The following LRRC4C variants were observed in gnomAD, a reference collection of about 807,000 sequenced individuals.
The protein encoded by LRRC4C is leucine-rich repeat-containing protein 4C.
In LRRC4C, 5 loss-of-function variants were observed where a neutral mutation model predicts 33.6. The ratio of observed to expected loss-of-function variants is 0.15; its 90% CI spans 0.08 to 0.31. The LOEUF is 0.31. Among genes scored for constraint, LRRC4C ranks in the 10% least tolerant of loss-of-function variants. The pLI, the probability that LRRC4C is intolerant of heterozygous loss-of-function variation, is 1.00. For synonymous variants in LRRC4C, 329 were observed against 302.0 expected (o/e 1.09, Z -0.93); for missense variants, 560 against 796.7 (o/e 0.70, Z 3.58).
At chr11:41,451,375 TTG>T (rs143793387) in intron 1 of LRRC4C, among the ~76,000 whole-genome samples, 4 of 151,158 alleles carry the variant, frequency 2.6e-5, no homozygotes, top group South Asian at 2.1e-4. Context: ...GATATAGATT[TTG>T]TGTGTGTGTG....
At chr11:40,819,894 A>G (rs1464092735) in intron 2 of LRRC4C, among the ~76,000 whole-genome samples, 18 of 152,066 alleles carry the variant, frequency 1.2e-4, no homozygotes, top group Admixed American at 1.1e-3. Context: ...TAAAATCAAG[A>G]ATTAATTTTA....
chr11:40,988,804 C>T (rs1853284700), intron 1 of LRRC4C, among the ~76,000 whole-genome samples: 1 of 148,638 alleles, frequency 6.7e-6, no homozygotes. Context: ...GCAAGCTCCA[C>T]CTCCCGGGTT....
chr11:41,093,439 C>T (rs1463057245), intron 1 of LRRC4C, among the ~76,000 whole-genome samples: 1 of 152,180 alleles, frequency 6.6e-6, no homozygotes, highest in Non-Finnish European at 1.5e-5. Flanking sequence ...CAGAAATTGT[C>T]CTGAACTCTT....
At chr11:41,216,416 T>C (rs369962595) in intron 1 of LRRC4C, among the ~76,000 whole-genome samples, 5 of 151,442 alleles carry the variant, frequency 3.3e-5, no homozygotes, top group East Asian at 3.9e-4. Context: ...AAAAATAGAC[T>C]TCAGGATAAA....
intron 4 of LRRC4C, chr11:40,293,873 G>A (rs937889866): frequency 1.3e-5 from 2 of 152,438 alleles, no homozygotes; most frequent in African/African-American, 2.4e-5. Context: ...CCTGGCTCAC[G>A]GCTCCCTGCG....
At chr11:40,279,473 C>T (rs1186126484) in intron 4 of LRRC4C, among the ~76,000 whole-genome samples, 2 of 152,120 alleles carry the variant, frequency 1.3e-5, no homozygotes, top group African/African-American at 4.8e-5. Flanking sequence ...ACTTTTAACA[C>T]CTTTCTTCTG....
intron 4 of LRRC4C, among the ~76,000 whole-genome samples, chr11:40,263,492 G>A (rs1158444364): frequency 6.6e-6 from 1 of 152,096 alleles, no homozygotes; most frequent in African/African-American, 2.4e-5. Context: ...GGAAGTCCCA[G>A]GAATCACACA....
intron 5 of LRRC4C, among the ~76,000 whole-genome samples, chr11:40,239,083 A>C (rs1158488439): frequency 6.6e-6 from 1 of 152,172 alleles, no homozygotes; most frequent in African/African-American, 2.4e-5. Context: ...AACATGACAA[A>C]GACTTGGTCT....
chr11:41,377,879 C>G (rs1952997274), intron 1 of LRRC4C, among the ~76,000 whole-genome samples: 1 of 152,072 alleles, frequency 6.6e-6, no homozygotes, highest in Admixed American at 6.6e-5. Flanking sequence ...TGGAGAGCAC[C>G]GTACCAATAG....
At chr11:40,638,728 T>C (rs747711118) in intron 3 of LRRC4C, among the ~76,000 whole-genome samples, 1 of 151,114 alleles carries the variant, frequency 6.6e-6, no homozygotes, top group East Asian at 1.9e-4. Context: ...CAGGGTCTAA[T>C]CCATAGAAGG....
intron 3 of LRRC4C, among the ~76,000 whole-genome samples, chr11:40,596,526 T>C (rs1959321262): frequency 1.3e-5 from 2 of 152,108 alleles, no homozygotes; most frequent in Admixed American, 1.3e-4. Flanking sequence ...CATCCTGTTT[T>C]GCTACAAAAT....
At chr11:40,553,918 T>TGTG (rs202037305) in intron 3 of LRRC4C, among the ~76,000 whole-genome samples, 5 of 144,382 alleles carry the variant, frequency 3.5e-5, no homozygotes, top group African/African-American at 1.2e-4. Context: ...ATAGTTTCTT[T>TGTG]TTTGTGTGTG....
intron 4 of LRRC4C, among the ~76,000 whole-genome samples, chr11:40,270,118 A>G (rs1279199376): frequency 6.6e-6 from 1 of 152,130 alleles, no homozygotes; most frequent in Non-Finnish European, 1.5e-5. Flanking sequence ...GGGAGAATGT[A>G]TTCCTTATTT....
At chr11:41,019,789 T>C (rs1372406828) in intron 1 of LRRC4C, among the ~76,000 whole-genome samples, 3 of 152,180 alleles carry the variant, frequency 2.0e-5, no homozygotes, top group Non-Finnish European at 2.9e-5. Flanking sequence ...GAGCTTTTTT[T>C]CCACATTTTT....
chr11:41,173,634 T>C (rs1332728873), intron 1 of LRRC4C, among the ~76,000 whole-genome samples: 1 of 152,150 alleles, frequency 6.6e-6, no homozygotes, highest in Non-Finnish European at 1.5e-5. Flanking sequence ...AAAGAGCCTC[T>C]TGCTTTCTCA....
chr11:40,809,109 A>T (rs1951372262), intron 2 of LRRC4C, among the ~76,000 whole-genome samples: 1 of 152,114 alleles, frequency 6.6e-6, no homozygotes. Context: ...TCCAGACTTC[A>T]CTGTCTTCCA....
At chr11:41,007,626 T>C (rs1286233123) in intron 1 of LRRC4C, among the ~76,000 whole-genome samples, 1 of 152,120 alleles carries the variant, frequency 6.6e-6, no homozygotes, top group Non-Finnish European at 1.5e-5. Context: ...ACAAGGCAAA[T>C]CCATGATGTC....
At chr11:40,733,622 C>T (rs1487137736) in intron 2 of LRRC4C, among the ~76,000 whole-genome samples, 3 of 152,122 alleles carry the variant, frequency 2.0e-5, no homozygotes, top group Non-Finnish European at 4.4e-5. Context: ...ACTCTTAAAT[C>T]TCAGATAGAA....
At chr11:40,694,203 G>C (rs1288113988) in intron 2 of LRRC4C, among the ~76,000 whole-genome samples, 1 of 152,104 alleles carries the variant, frequency 6.6e-6, no homozygotes, top group African/African-American at 2.4e-5. Context: ...ATAAAAACAA[G>C]AATGTGGTAA....
Sources: allele counts gnomAD v4.1 joint callset (sites outside exome capture counted in the v4.1 genomes callset), GRCh38; gene constraint gnomAD v4.1.1; transcripts MANE v1.5; gene names NCBI Gene and HGNC (gene_info 2026-07-23, HGNC 2026-07-21).